CFDP1: variants seen among roughly 807,000 people sequenced by gnomAD.
CFDP1 encodes the protein chromatin remodeling protein CFDP1.
In CFDP1, 31 loss-of-function variants were observed where a neutral mutation model predicts 40.1. The observed-to-expected ratio is 0.77, with a 90% CI of 0.58 to 1.04. CFDP1 has a LOEUF of 1.04. Ranked by LOEUF, CFDP1 falls within the 50% of genes least tolerant of loss-of-function variation. The pLI, the probability that CFDP1 is intolerant of heterozygous loss-of-function variation, is 0.00. For missense variants in CFDP1, 423 were observed against 343.4 expected, an observed-to-expected ratio of 1.23 and a Z score of -1.83; for synonymous variants, 167 against 120.0, an observed-to-expected ratio of 1.39 and a Z score of -2.56.
At chr16:75,376,504 T>C (rs1484311716) in intron 5 of CFDP1, among the ~76,000 whole-genome samples, 2 of 152,196 alleles carry the variant, frequency 1.3e-5, no homozygotes, top group East Asian at 3.8e-4. Flanking sequence ...AAAAAATGTA[T>C]GCTTTGATTT....
intron 5 of CFDP1, among the ~76,000 whole-genome samples, chr16:75,333,770 T>C (rs759426541): frequency 6.6e-6 from 1 of 152,162 alleles, no homozygotes; most frequent in Non-Finnish European, 1.5e-5. Context: ...ACCAGAAAGT[T>C]GTTACTGTTT....
chr16:75,322,028 G>C (rs1471939145), intron 5 of CFDP1: 1 of 152,154 alleles, frequency 6.6e-6, no homozygotes, highest in Non-Finnish European at 1.5e-5. Context: ...GTTTCACCGT[G>C]TTAGCCAGGA....
chr16:75,329,733 A>G lies in CFDP1; in HGVS notation c.651-24551T>C, dbSNP rs191998783. ...GCAATCCTTTTTATAACATCAAAGT[A>G]CCTGAAGAGAGTTGTATTTGATAGC... is the stretch of plus-strand genomic sequence containing the variant. On this transcript the variant is annotated intron_variant, in intron 5 of 6. Coordinates refer to ENST00000283882, the MANE Select transcript of CFDP1 (RefSeq NM_006324.3). Among the ~76,000 whole-genome samples, 91 of 152,376 alleles carry G rather than the reference A, an allele frequency of 6.0e-4. 1 individual carries two copies. Among genetic ancestry groups the G allele is most frequent in the Non-Finnish European group, 9.8e-4 (67 of 68,048 alleles).
intron 5 of CFDP1, among the ~76,000 whole-genome samples, chr16:75,314,076 G>A (rs1019131099): frequency 1.3e-5 from 2 of 152,098 alleles, no homozygotes; most frequent in African/African-American, 4.8e-5. Context: ...ATAGACATGG[G>A]GTTTCGCCAT....
chr16:75,320,607 G>C (rs572523347), intron 5 of CFDP1, among the ~76,000 whole-genome samples: 53 of 152,326 alleles, frequency 3.5e-4, no homozygotes, highest in Admixed American at 1.6e-3. Context: ...ACCCCAGACT[G>C]TGAGAGTGTG....
chr16:75,327,317 A>C (rs553902287), intron 5 of CFDP1, among the ~76,000 whole-genome samples: 2 of 152,116 alleles, frequency 1.3e-5, no homozygotes, highest in African/African-American at 4.8e-5. Context: ...GAAGACATGG[A>C]ATCCAAGAAA....
intron 5 of CFDP1, among the ~76,000 whole-genome samples, chr16:75,354,657 A>G (rs562728083): frequency 6.6e-6 from 1 of 151,132 alleles, no homozygotes; most frequent in South Asian, 2.1e-4. Context: ...CTGTAAGTCT[A>G]AAATGTGCTT....
chr16:75,335,817 A>G (rs1367671370), intron 5 of CFDP1, among the ~76,000 whole-genome samples: 1 of 152,024 alleles, frequency 6.6e-6, no homozygotes, highest in Non-Finnish European at 1.5e-5. Flanking sequence ...CGGCCTCCCA[A>G]AGTGCTGGGA....
chr16:75,304,489 A>G (rs892412787), intron 6 of CFDP1, among the ~76,000 whole-genome samples: 1 of 152,210 alleles, frequency 6.6e-6, no homozygotes, highest in African/African-American at 2.4e-5. Context: ...AGCGAAGAGA[A>G]AGAGGTGCAA....
At chr16:75,367,659 G>A (rs2078724413) in intron 5 of CFDP1, among the ~76,000 whole-genome samples, 1 of 151,830 alleles carries the variant, frequency 6.6e-6, no homozygotes. Context: ...CGGTCGTGGT[G>A]GCAGGAGCCT....
At chr16:75,422,392 G>A (rs1252622603) in intron 1 of CFDP1, among the ~76,000 whole-genome samples, 1 of 148,912 alleles carries the variant, frequency 6.7e-6, no homozygotes, top group Non-Finnish European at 1.5e-5. Context: ...ACTGCGTATG[G>A]CCTCTTTTTT....
intron 5 of CFDP1, among the ~76,000 whole-genome samples, chr16:75,365,657 G>C (rs1597356962): frequency 6.6e-6 from 1 of 152,240 alleles, no homozygotes; most frequent in South Asian, 2.1e-4. Flanking sequence ...GATCACTTGA[G>C]GCCGCTGTGC....
intron 5 of CFDP1, among the ~76,000 whole-genome samples, chr16:75,315,405 T>A (rs1368512799): frequency 1.7e-5 from 2 of 120,892 alleles, no homozygotes; most frequent in Non-Finnish European, 3.4e-5. Flanking sequence ...TGATACTCAA[T>A]AACGAGAAAT....
At chr16:75,419,295 AT>A (rs1405075877) in intron 1 of CFDP1, 2 of 154,446 alleles carry the variant, frequency 1.3e-5, no homozygotes, top group African/African-American at 4.8e-5. Context: ...AATTTGTACC[AT>A]TTTAGACTGC....
At chr16:75,299,078 A>T (rs1567638113) in intron 6 of CFDP1, among the ~76,000 whole-genome samples, 1 of 152,122 alleles carries the variant, frequency 6.6e-6, no homozygotes, top group Non-Finnish European at 1.5e-5. Context: ...ATCACCACCA[A>T]GAAATCTGTG....
intron 1 of CFDP1, among the ~76,000 whole-genome samples, chr16:75,418,744 A>C (rs1347245484): frequency 2.0e-5 from 3 of 152,074 alleles, no homozygotes; most frequent in Non-Finnish European, 4.4e-5. Context: ...AAAAAAAAAA[A>C]AAAAAAACTC....
chr16:75,389,294 C>A (rs1037805955), intron 5 of CFDP1, among the ~76,000 whole-genome samples: 4 of 152,140 alleles, frequency 2.6e-5, no homozygotes, highest in Non-Finnish European at 5.9e-5. Flanking sequence ...AATGACAAGA[C>A]CATGAGAATT....
rs368710500 is a variant in CFDP1 at position 75,423,516 on chromosome 16, G to GT, written c.65-8822dup. Among the ~76,000 whole-genome samples the GT allele has an allele frequency of 1.5e-3, 230 of 150,198 alleles. 2 individuals carry two copies. The highest frequency in any genetic ancestry group is 5.2e-3 in the African/African-American group (213 of 40,998). On this transcript the variant is annotated intron_variant, in intron 1 of 6. Transcript: ENST00000283882. Reference sequence around the variant, plus strand: ...GGGTTTCACCACGTTGGCGAGGTTGGTTTTTTTTTGTTTTTTGAGACGGAG... The same window carrying GT: ...GGGTTTCACCACGTTGGCGAGGTTGGTTTTTTTTTTGTTTTTTGAGACGGAG...
At chr16:75,371,705 G>A (rs2078752516) in intron 5 of CFDP1, among the ~76,000 whole-genome samples, 1 of 152,164 alleles carries the variant, frequency 6.6e-6, no homozygotes. Flanking sequence ...AGAATAATCA[G>A]AGGAAAGAAA....
Sources: allele counts gnomAD v4.1 joint callset (sites outside exome capture counted in the v4.1 genomes callset), GRCh38; gene constraint gnomAD v4.1.1; transcripts MANE v1.5; gene names NCBI Gene and HGNC (gene_info 2026-07-23, HGNC 2026-07-21).